LRBA: variants seen among roughly 807,000 people sequenced by gnomAD.
LRBA encodes lipopolysaccharide-responsive and beige-like anchor protein.
In LRBA, 176 loss-of-function variants were observed where a neutral mutation model predicts 330.0. The observed-to-expected ratio is 0.53, with a 90% confidence interval of 0.47 to 0.60. The LOEUF (loss-of-function observed/expected upper bound fraction) is 0.60, where lower values mean the gene tolerates loss of function less well. LRBA is among the 20% of genes least tolerant of loss of function. The pLI is 0.00. For missense variants in LRBA, 3,259 were observed against 3,444.8 expected (o/e 0.95, Z 1.35); for synonymous variants, 1,230 against 1,193.0 (o/e 1.03, Z -0.64).
intron 22 of LRBA, among the ~76,000 whole-genome samples, chr4:150,861,810 G>A (rs1464280840): frequency 6.6e-6 from 1 of 151,952 alleles, no homozygotes. Flanking sequence ...CAAACACATT[G>A]TACAGTTGTA....
At chr4:150,520,824 G>A (rs767492493) in intron 40 of LRBA, among the ~76,000 whole-genome samples, 1 of 151,864 alleles carries the variant, frequency 6.6e-6, no homozygotes, top group Non-Finnish European at 1.5e-5. Flanking sequence ...GTACCTATTG[G>A]GTAACTATGC....
rs141616669 is a variant in LRBA, at chr4:150,508,508, C to T, written c.6331-17473G>A. 5.9e-3 allele frequency among the ~76,000 whole-genome samples: 905 copies of T among 152,158 alleles called. 10 individuals carry two copies. Among genetic ancestry groups the T allele is most frequent in the African/African-American group, 0.02 (842 of 41,522 alleles). ...TTCACCATGTTGGCTAGGCTGGTCT[C>T]GAACTCCTGACCTCAAATGATCCAC... On this transcript the variant is annotated intron_variant, in intron 40 of 56. Transcript: ENST00000651943.
At chr4:150,970,903 C>T (rs921962012) in intron 2 of LRBA, 7 of 152,108 alleles carry the variant, frequency 4.6e-5, no homozygotes, top group African/African-American at 1.7e-4. Context: ...ATTCCAAGAG[C>T]CCTATGAAAC....
chr4:150,929,322 A>C (rs1734212479), intron 2 of LRBA, among the ~76,000 whole-genome samples: 1 of 152,224 alleles, frequency 6.6e-6, no homozygotes, highest in Non-Finnish European at 1.5e-5. Context: ...ATTGCTATCT[A>C]CTAACCTGTT....
At chr4:150,344,443 C>G (rs945400791) in intron 48 of LRBA, among the ~76,000 whole-genome samples, 30 of 152,152 alleles carry the variant, frequency 2.0e-4, no homozygotes, top group African/African-American at 6.5e-4. Flanking sequence ...TAGAAAAATC[C>G]AGTCAGTACT....
intron 42 of LRBA, among the ~76,000 whole-genome samples, chr4:150,477,390 C>T (rs1479144390): frequency 6.6e-6 from 1 of 152,024 alleles, no homozygotes; most frequent in Admixed American, 6.6e-5. Flanking sequence ...GGAGAGGCCT[C>T]AGGAAACTAC....
chr4:151,001,533 G>A (rs892007509), intron 2 of LRBA, among the ~76,000 whole-genome samples: 2 of 151,938 alleles, frequency 1.3e-5, no homozygotes, highest in African/African-American at 4.8e-5. Flanking sequence ...CTATCCTGAG[G>A]ATAGGGCTAC....
chr4:150,685,416 ATATATTTTTTTTTTTTTTTT>A (rs1434945138), intron 36 of LRBA, among the ~76,000 whole-genome samples: 1 of 20,148 alleles, frequency 5.0e-5, no homozygotes, highest in African/African-American at 2.0e-4. Flanking sequence ...ATATATATAT[ATATATTTTTTTTTTTTTTTT>A]TTTTTTTTTT....
chr4:150,927,368 G>A (rs1733996247), intron 4 of LRBA, among the ~76,000 whole-genome samples: 1 of 142,574 alleles, frequency 7.0e-6, no homozygotes, highest in Non-Finnish European at 1.5e-5. Flanking sequence ...GCGAGACTCT[G>A]CCTTAAAAAA....
intron 56 of LRBA, among the ~76,000 whole-genome samples, chr4:150,268,075 A>G (rs985405319): frequency 1.3e-5 from 2 of 149,196 alleles, no homozygotes; most frequent in Non-Finnish European, 3.0e-5. Flanking sequence ...AAAAAAAAAA[A>G]TGACTCAAAT....
chr4:150,903,566 T>A (rs1730994318), intron 13 of LRBA, among the ~76,000 whole-genome samples: 1 of 151,366 alleles, frequency 6.6e-6, no homozygotes, highest in Non-Finnish European at 1.5e-5. Flanking sequence ...TGGCAAAACA[T>A]CATCTCTACA....
chr4:150,620,186 CAACA>C (rs1458700587), intron 37 of LRBA, among the ~76,000 whole-genome samples: 6 of 151,886 alleles, frequency 4.0e-5, no homozygotes, highest in Non-Finnish European at 2.9e-5. Flanking sequence ...TACAAATGGC[CAACA>C]AACATATGAA....
chr4:150,853,876 C>T (rs557758082), intron 22 of LRBA, among the ~76,000 whole-genome samples: 1 of 151,850 alleles, frequency 6.6e-6, no homozygotes, highest in Non-Finnish European at 1.5e-5. Flanking sequence ...TTTATTAATC[C>T]CAAAAGTGTT....
rs116560127 is a variant in LRBA, at chr4:150,633,840, T to G, written c.5922-34709A>C. ...TGTTTAAATACCTCTGCTGGTCGGATGCGGTGGCTCACACCTGTAATCCCA... is the reference window on the plus strand; with the variant it reads ...TGTTTAAATACCTCTGCTGGTCGGAGGCGGTGGCTCACACCTGTAATCCCA... On this transcript the variant is annotated intron_variant, in intron 37 of 56. Transcript: ENST00000651943. 5.9e-3 allele frequency among the ~76,000 whole-genome samples: 891 copies of G among 152,242 alleles called. 9 individuals carry two copies. The highest frequency in any genetic ancestry group is 0.02 in the African/African-American group (844 of 41,564).
At chr4:150,984,987 G>T (rs1039296261) in intron 2 of LRBA, among the ~76,000 whole-genome samples, 1 of 152,152 alleles carries the variant, frequency 6.6e-6, no homozygotes, top group Non-Finnish European at 1.5e-5. Flanking sequence ...AAAAAGCACG[G>T]TGGCTCATGC....
chr4:151,006,250 C>G (rs1043743290), intron 2 of LRBA, among the ~76,000 whole-genome samples: 24 of 152,074 alleles, frequency 1.6e-4, no homozygotes, highest in Non-Finnish European at 2.9e-4. Flanking sequence ...TCACTTGAAC[C>G]CAGAGGCGGA....
chr4:150,325,896 A>C lies in LRBA; in HGVS notation c.7365T>G (p.Ala2455=). 1 of 1,600,670 alleles carries C rather than the reference A, an allele frequency of 6.2e-7. No homozygotes were observed. Among genetic ancestry groups the C allele is most frequent in the Non-Finnish European group, 8.6e-7 (1 of 1,168,376 alleles). Residue 2455 remains alanine, a splice_region_variant and synonymous_variant, in exon 49 of 57, where the codon GCT becomes GCG. Transcript: ENST00000651943. ...CAAAACTTCGGATTTGAGCTTCAACAGCCTGAAAAGGGCAGGGGCAAGTCT... is the reference window on the plus strand; with the variant it reads ...CAAAACTTCGGATTTGAGCTTCAACCGCCTGAAAAGGGCAGGGGCAAGTCT... ...NSITDPVLRE[A]VEAQIRSFGQ...
chr4:150,745,856 A>G (rs1360219264), intron 35 of LRBA, among the ~76,000 whole-genome samples: 2 of 152,122 alleles, frequency 1.3e-5, no homozygotes, highest in Non-Finnish European at 2.9e-5. Flanking sequence ...GAACCGAAAC[A>G]TCCCTTTCTA....
At chr4:150,500,156 T>C (rs538388200) in intron 40 of LRBA, among the ~76,000 whole-genome samples, 20 of 152,234 alleles carry the variant, frequency 1.3e-4, no homozygotes, top group African/African-American at 4.8e-4. Context: ...AATATGCTAA[T>C]TACCCTGATC....
Sources: gnomAD v4.1 joint callset for allele counts (sites outside exome capture counted in the v4.1 genomes callset) on GRCh38, gnomAD v4.1.1 for gene constraint, MANE v1.5 for transcripts, NCBI Gene and HGNC (gene_info 2026-07-23, HGNC 2026-07-21) for gene names.